Variants in KIAA1328 observed in about 807,000 individuals in gnomAD.
KIAA1328 encodes KIAA1328.
A neutral mutation model predicts 68.1 loss-of-function variants in KIAA1328; 52 were observed. The ratio of observed to expected loss-of-function variants is 0.76; its 90% CI spans 0.61 to 0.96. The LOEUF is 0.96. Ranked by LOEUF, KIAA1328 falls within the 40% of genes least tolerant of loss-of-function variation. KIAA1328 has a pLI of 0.00. For synonymous variants in KIAA1328, 232 were observed against 239.4 expected (o/e 0.97, Z 0.28); for missense variants, 641 against 677.6 (o/e 0.95, Z 0.60).
At chr18:37,199,526 T>C (rs1411936413) in intron 9 of KIAA1328, among the ~76,000 whole-genome samples, 3 of 152,200 alleles carry the variant, frequency 2.0e-5, no homozygotes, top group African/African-American at 7.2e-5. Flanking sequence ...TTCCGTGTCT[T>C]TGCTATTGTG....
intron 7 of KIAA1328, among the ~76,000 whole-genome samples, chr18:37,072,092 T>A (rs2056554491): frequency 6.6e-6 from 1 of 152,186 alleles, no homozygotes; most frequent in Admixed American, 6.5e-5. Context: ...TATATTTATC[T>A]GTGTTTCTAT....
chr18:37,105,303 G>A (rs2057739011), intron 7 of KIAA1328, among the ~76,000 whole-genome samples: 2 of 152,172 alleles, frequency 1.3e-5, no homozygotes, highest in African/African-American at 2.4e-5. Context: ...AGGAATTTGA[G>A]ACCAGCCTGA....
Position 37,222,464 on chromosome 18 carries a change from T to C in KIAA1328, c.*237T>C. On this transcript the variant is annotated 3_prime_UTR_variant, in exon 10 of 10. Coordinates refer to ENST00000280020, the MANE Select transcript of KIAA1328 (RefSeq NM_020776.3). ...ATGGAAGATGGTATCTTTTATATGC[T>C]AAACAGATTAGAAAATTAACATAGG... 7.4e-7 allele frequency: 1 copy of C among 1,342,394 alleles called. No individual in the cohort carries two copies. Among genetic ancestry groups the C allele is most frequent in the Non-Finnish European group, 9.6e-7 (1 of 1,045,878 alleles). The allele number at this position is 1,342,394 out of a possible 1,614,324, so 83.2% of individuals were successfully genotyped here.
chr18:36,840,674 AACTCCTG>A (rs2046830247), intron 3 of KIAA1328, among the ~76,000 whole-genome samples: 1 of 151,974 alleles, frequency 6.6e-6, no homozygotes, highest in Non-Finnish European at 1.5e-5. Context: ...GCTGGTCTTG[AACTCCTG>A]ACCTCGTGAT....
At chr18:37,084,238 C>G in intron 7 of KIAA1328, 8 of 1,454,020 alleles carry the variant, frequency 5.5e-6, no homozygotes, top group Non-Finnish European at 7.3e-6. Flanking sequence ...CCAAGGTAAA[C>G]CTGAAGTCTC....
At chr18:37,125,001 C>T (rs2058358411) in intron 7 of KIAA1328, among the ~76,000 whole-genome samples, 1 of 152,136 alleles carries the variant, frequency 6.6e-6, no homozygotes, top group Admixed American at 6.5e-5. Flanking sequence ...AAATGGAAAA[C>T]ATATGACTTA....
chr18:36,889,715 A>G (rs905627558), intron 5 of KIAA1328, among the ~76,000 whole-genome samples: 2 of 152,210 alleles, frequency 1.3e-5, no homozygotes, highest in South Asian at 2.1e-4. Context: ...GACCTAGTCT[A>G]AGTAGCCACT....
intron 8 of KIAA1328, 127 bp from the exon 9 acceptor site, chr18:37,172,846 T>G (rs2059526777): frequency 1.8e-6 from 1 of 561,520 alleles, no homozygotes; most frequent in Admixed American, 3.5e-5. Flanking sequence ...TTGTTACATT[T>G]CAGGGAAACA....
chr18:37,192,956 T>C (rs1037797881), intron 9 of KIAA1328, among the ~76,000 whole-genome samples: 2 of 152,220 alleles, frequency 1.3e-5, no homozygotes, highest in Admixed American at 6.5e-5. Context: ...TCTTCTTAAA[T>C]AATTTTATTT....
chr18:37,008,973 AG>A (rs963378745), intron 6 of KIAA1328, among the ~76,000 whole-genome samples: 52 of 152,312 alleles, frequency 3.4e-4, no homozygotes, highest in Admixed American at 3.3e-4. Flanking sequence ...GAGAGGAAAA[AG>A]ATTACATAAA....
intron 3 of KIAA1328, among the ~76,000 whole-genome samples, chr18:36,838,326 A>C (rs1568059271): frequency 6.6e-6 from 1 of 152,180 alleles, no homozygotes; most frequent in Non-Finnish European, 1.5e-5. Context: ...ATTGCCTTTT[A>C]AAGAAATTTT....
chr18:37,098,108 A>G (rs376078804), intron 7 of KIAA1328, among the ~76,000 whole-genome samples: 5 of 152,136 alleles, frequency 3.3e-5, no homozygotes, highest in African/African-American at 1.2e-4. Flanking sequence ...TTCCAATACT[A>G]TGTTGAATAG....
chr18:36,998,201 A>T (rs1369040165), intron 6 of KIAA1328, among the ~76,000 whole-genome samples: 1 of 151,966 alleles, frequency 6.6e-6, no homozygotes, highest in Non-Finnish European at 1.5e-5. Flanking sequence ...CCAATCCACC[A>T]CCTTAGGCAG....
At chr18:37,077,235 G>A (rs1453426462) in intron 7 of KIAA1328, among the ~76,000 whole-genome samples, 10 of 137,974 alleles carry the variant, frequency 7.2e-5, no homozygotes, top group Non-Finnish European at 7.5e-5. Flanking sequence ...GACAAAAACT[G>A]CACGATTATC....
chr18:37,181,357 A>G (rs2059695162), intron 9 of KIAA1328, among the ~76,000 whole-genome samples: 1 of 152,032 alleles, frequency 6.6e-6, no homozygotes, highest in African/African-American at 2.4e-5. Flanking sequence ...ATTCAAAAGG[A>G]TTTTCATTTA....
intron 7 of KIAA1328, among the ~76,000 whole-genome samples, chr18:37,134,447 A>AT (rs1298534318): frequency 5.3e-5 from 8 of 152,134 alleles, no homozygotes; most frequent in Admixed American, 5.2e-4. Flanking sequence ...TAAACAATAT[A>AT]TTTTTATGAA....
chr18:36,967,507 G>A (rs151243487), intron 6 of KIAA1328, among the ~76,000 whole-genome samples: 1 of 152,160 alleles, frequency 6.6e-6, no homozygotes, highest in African/African-American at 2.4e-5. Context: ...AATGAATTTG[G>A]GTTATTTTAA....
chr18:37,225,428 T>C (rs2060628473), downstream of KIAA1328: 1 of 494,884 alleles, frequency 2.0e-6, no homozygotes, highest in Non-Finnish European at 2.6e-6. Context: ...GTTATCAAAA[T>C]GTTATTTTCC....
At chr18:37,132,719 A>G (rs1212367730) in intron 7 of KIAA1328, among the ~76,000 whole-genome samples, 1 of 152,194 alleles carries the variant, frequency 6.6e-6, no homozygotes, top group Non-Finnish European at 1.5e-5. Flanking sequence ...AACTGCTATT[A>G]TCAGTGGTAA....
Sources: allele counts gnomAD v4.1 joint callset (sites outside exome capture counted in the v4.1 genomes callset), GRCh38; gene constraint gnomAD v4.1.1; transcripts MANE v1.5; gene names NCBI Gene and HGNC (gene_info 2026-07-23, HGNC 2026-07-21).